MUC4: variants seen among roughly 807,000 people sequenced by gnomAD.
MUC4 encodes the protein mucin-4.
MUC4 carries 202 observed loss-of-function variants against 257.9 expected under a neutral mutation model. The ratio of observed to expected loss-of-function variants is 0.78; its 90% CI spans 0.70 to 0.88. The LOEUF (loss-of-function observed/expected upper bound fraction) is 0.88. Ranked by LOEUF, MUC4 falls within the 40% of genes least tolerant of loss-of-function variation. The pLI is 0.00. For missense variants in MUC4, 5,976 were observed against 6,513.7 expected (o/e 0.92, Z 2.84); for synonymous variants, 2,351 against 2,757.1 (o/e 0.85, Z 4.62).
chr3:195,783,503 C>G lies in MUC4; in HGVS notation c.8077G>C (p.Asp2693His). The change falls in exon 2 of 25, where the codon GAC (aspartate) becomes CAC (histidine). Residue 2693 changes from aspartate to histidine, a missense_variant. Physicochemically the swap from Asp to His is moderately conservative, Grantham distance 81. Coordinates refer to ENST00000463781, the MANE Select transcript of MUC4 (RefSeq NM_018406.7). The stretch of plus-strand genomic sequence containing the variant: ...TCACCTGTGGATGCTGAGGAAGTGT[C>G]GGTGACAGGAAGAGAGGTGGCATGA... ...TGHATSLPVT[D>H]TSSASTGDTT... 2.2e-6 allele frequency: 2 copies of G among 927,800 alleles called. No individual in the cohort carries two copies. The highest frequency in any genetic ancestry group is 2.8e-6 in the Non-Finnish European group (2 of 719,222). The allele number at this position is 927,800 out of a possible 1,614,324, so 57.5% of individuals were successfully genotyped here. A position where few individuals can be genotyped will look rare whatever the true frequency, so the allele number is the denominator to read the frequency against.
Position 195,798,563 on chromosome 3 carries a change from G to T in MUC4, c.83-7066C>A, listed in dbSNP as rs537877592. Among the ~76,000 whole-genome samples the T allele has an allele frequency of 6.1e-3, 924 of 152,058 alleles. 14 individuals are homozygous for T. Among genetic ancestry groups the T allele is most frequent in the African/African-American group, 0.021 (876 of 41,490 alleles). ...CTAAAAATACAAAAAAATTAGCCGGGCGTGGTGGCGGGCGCCTGTAGTCCC... is the reference window on the plus strand; with the variant it reads ...CTAAAAATACAAAAAAATTAGCCGGTCGTGGTGGCGGGCGCCTGTAGTCCC... On this transcript the variant is annotated intron_variant, in intron 1 of 24. Coordinates refer to ENST00000463781, the MANE Select transcript of MUC4 (RefSeq NM_018406.7).
intron 1 of MUC4, among the ~76,000 whole-genome samples, chr3:195,793,848 G>A (rs56065813): frequency 0.28 from 42,567 of 151,930 alleles, 6,414 homozygotes; most frequent in African/African-American, 0.37. Context: ...GTGCCAATCT[G>A]GTAAAAAACC....
chr3:195,752,865 C>T (rs1716751621), intron 20 of MUC4, among the ~76,000 whole-genome samples, 186 bp downstream of exon 20: 2 of 152,236 alleles, frequency 1.3e-5, no homozygotes, highest in South Asian at 4.1e-4. Context: ...GCCCGTGGTC[C>T]TTGCCGTGAC....
At chr3:195,778,549 G>T in intron 2 of MUC4, 94 bp from the exon 3 acceptor site, 1 of 1,501,842 alleles carries the variant, frequency 6.7e-7, no homozygotes, top group South Asian at 1.2e-5. Context: ...GGAAGAGGGA[G>T]CTGGAAACTC....
chr3:195,781,199 C>T lies in MUC4; in HGVS notation c.10381G>A (p.Asp3461Asn), dbSNP rs1205651049. The T allele has an allele frequency of 2.3e-3, 2,562 of 1,127,086 alleles. 68 individuals carry two copies. The African/African-American group carries it at 0.07, about 31-fold the overall frequency. The allele number at this position is 1,127,086 out of a possible 1,614,324, so 69.8% of individuals were successfully genotyped here. A position where few individuals can be genotyped will look rare whatever the true frequency, so the allele number is the denominator to read the frequency against. The change falls in exon 2 of 25, where the codon GAC becomes AAC. Residue 3461 changes from aspartate to asparagine, a missense_variant. Asp to Asn is a conservative substitution (Grantham distance 23, BLOSUM62 1). Around this residue, in one of 44 missense-constraint regions of MUC4, gnomAD observed 297 missense variants for 240.9 expected, o/e 1.23. Transcript: ENST00000463781. Reference sequence around the variant, plus strand: ...TCACCTGTGGATGCTGAGGAAGTGTCGGTGACAGGAAGAGGGGTGGTGTGA... The same window carrying T: ...TCACCTGTGGATGCTGAGGAAGTGTTGGTGACAGGAAGAGGGGTGGTGTGA... ...TGHTTPLPVT[D>N]TSSASTGDTT...
intron 17 of MUC4, 23 bp downstream of exon 17, chr3:195,759,101 C>T (rs958432913): frequency 4.3e-6 from 7 of 1,612,976 alleles, no homozygotes; most frequent in Non-Finnish European, 5.9e-6. Context: ...CCCCACTCTC[C>T]CCAGCCAGCC....
At chr3:195,775,514 C>G (rs1367504432) in intron 3 of MUC4, among the ~76,000 whole-genome samples, 20 of 50,038 alleles carry the variant, frequency 4.0e-4, no homozygotes, top group African/African-American at 1.3e-3. Context: ...ACCTTCCACA[C>G]CCATACCTTC....
In MUC4 at chr3:195,754,251, C is replaced by T; in HGVS notation, c.15290G>A (p.Cys5097Tyr). 1 of 1,613,900 alleles carries T rather than the reference C, an allele frequency of 6.2e-7. No homozygotes were observed. Among genetic ancestry groups the T allele is most frequent in the Non-Finnish European group, 8.5e-7 (1 of 1,179,926 alleles). ...HCVPGKGCEA[C>Y]PPNLTGDGRH... ...CCCATCCCCAGTCAGGTTTGGAGGG[C>T]AGGCCTCGCAGCCCTTCCCAGGAAC... The change falls in exon 19 of 25, where the codon TGC (cysteine) becomes TAC (tyrosine). Residue 5097 changes from cysteine to tyrosine, a missense_variant. Physicochemically the swap from Cys to Tyr is radical, Grantham distance 194. Around this residue, in one of 44 missense-constraint regions of MUC4, gnomAD observed 996 missense variants for 1,137.3 expected, o/e 0.88. Coordinates refer to ENST00000463781, the MANE Select transcript of MUC4 (RefSeq NM_018406.7).
At chr3:195,767,642 TCGCCACCACCAC>T (rs1407330629) in intron 7 of MUC4, among the ~76,000 whole-genome samples, 76 of 31,376 alleles carry the variant, frequency 2.4e-3, no homozygotes, top group African/African-American at 0.011. Flanking sequence ...ACCACCACCA[TCGCCACCACCAC>T]CACCACCACC....
At position 195,783,126 on chromosome 3, in the gene MUC4, A is replaced by T. The variant is rs1204289699; in HGVS notation, c.8454T>A (p.Pro2818=). The T allele has an allele frequency of 9.3e-6, 12 of 1,288,732 alleles. No homozygotes were observed. Among genetic ancestry groups the T allele is most frequent in the Non-Finnish European group, 1.2e-5 (12 of 967,660 alleles). 79.8% of individuals were successfully genotyped at this position (1,288,732 alleles called of 1,614,324 possible). ...TGAACACTGAGGAAGCGTCGGTGAC[A>T]GGAAGAGAGGTGGCGTGACCTGTGG... is the stretch of plus-strand genomic sequence containing the variant. ...SVSTGHATSL[P]VTDASSVFTG... is the part of the protein sequence containing the mutation. The change falls in exon 2 of 25, where the codon CCT becomes CCA. Residue 2818 remains proline, a synonymous_variant. Transcript: ENST00000463781.
chr3:195,770,764 G>A, intron 5 of MUC4: 2 of 435,016 alleles, frequency 4.6e-6, no homozygotes, highest in South Asian at 1.7e-5. Flanking sequence ...CGTGGCAGGG[G>A]CACGGTCCAC....
chr3:195,767,621 T>TCGC (rs1553860756), intron 7 of MUC4, among the ~76,000 whole-genome samples: 11 of 27,218 alleles, frequency 4.0e-4, no homozygotes, highest in Admixed American at 1.7e-3. Flanking sequence ...GCCACCACCA[T>TCGC]CACCACCATC....
rs1024159340 is a variant in MUC4, at chr3:195,760,817, C to T, written c.14848+67G>A. 5 of 1,313,064 alleles carry T rather than the reference C, an allele frequency of 3.8e-6. No homozygotes were observed. The Admixed American group carries it at 8.5e-5, about 22-fold the overall frequency. The allele number at this position is 1,313,064 out of a possible 1,614,324, so 81.3% of individuals were successfully genotyped here. A position where few individuals can be genotyped will look rare whatever the true frequency, so the allele number is the denominator to read the frequency against. ...GCAGATGCACAGGGAAAAGCAGGGTCAGGCAAGGGCAGCTCCTCATCTGCT... is the reference window on the plus strand; with the variant it reads ...GCAGATGCACAGGGAAAAGCAGGGTTAGGCAAGGGCAGCTCCTCATCTGCT... On this transcript the variant is annotated intron_variant, in intron 16 of 24. Transcript: ENST00000463781.
chr3:195,791,719 C>A (rs1733891338), intron 1 of MUC4, among the ~76,000 whole-genome samples: 1 of 152,120 alleles, frequency 6.6e-6, no homozygotes, highest in Non-Finnish European at 1.5e-5. Context: ...AAGTGGGAGG[C>A]TACCTGACTT....
chr3:195,762,405 G>A, intron 13 of MUC4, 151 bp from the exon 14 acceptor site: 1 of 873,134 alleles, frequency 1.1e-6, no homozygotes, highest in African/African-American at 1.7e-5. Context: ...AGGCCGGCGA[G>A]CTGCACGCCC....
At chr3:195,766,863 C>T (rs549984629) in intron 7 of MUC4, 112 bp from the exon 8 acceptor site, 19 of 921,924 alleles carry the variant, frequency 2.1e-5, no homozygotes, top group Admixed American at 4.0e-5. Flanking sequence ...ACCAGCTAGG[C>T]GGGCAGTGGG....
In MUC4 at chr3:195,751,157, G is replaced by C. The variant is rs771199325; in HGVS notation, c.15648-45C>G. Reference sequence around the variant, plus strand: ...TGAGGGGGGGTGGGGGGCTGGGGGTGGGGGATGAGGAAGAGATCTGGGGGC... The same window carrying C: ...TGAGGGGGGGTGGGGGGCTGGGGGTCGGGGATGAGGAAGAGATCTGGGGGC... On this transcript the variant is annotated intron_variant, in intron 22 of 24. Coordinates refer to ENST00000463781, the MANE Select transcript of MUC4 (RefSeq NM_018406.7). 3 of 1,519,954 alleles carry C rather than the reference G, an allele frequency of 2.0e-6. No individual in the cohort carries two copies. In the South Asian group the frequency reaches 3.6e-5, roughly 18 times the overall value. The allele number at this position is 1,519,954 out of a possible 1,614,324, so 94.2% of individuals were successfully genotyped here.
rs1433304692 is a variant in MUC4 at position 195,788,851 on chromosome 3, G to C, written c.2729C>G (p.Thr910Ser). Residue 910 changes from threonine (T) to serine (S), a missense_variant, in exon 2 of 25, where the codon ACT (threonine) becomes AGT (serine). Thr to Ser is a moderately conservative substitution (Grantham distance 58, BLOSUM62 1). This residue lies in a region of MUC4 where 1,583 missense variants were observed against 1,257.4 expected (regional missense o/e 1.26). Coordinates refer to ENST00000463781, the MANE Select transcript of MUC4 (RefSeq NM_018406.7). ...ETAAISRMAQ[T>S]QRTRTSRGSD... ...CCCTCTGCTGGTTCTTGTCCTCTGA[G>C]TCTGGGCCATCCGGGAAATGGCGGC... The C allele has an allele frequency of 1.2e-6, 2 of 1,613,814 alleles. No individual in the cohort carries two copies. The highest frequency in any genetic ancestry group is 1.7e-6 in the Non-Finnish European group (2 of 1,179,868).
At chr3:195,768,039 C>A (rs1308248775) in intron 7 of MUC4, among the ~76,000 whole-genome samples, 1 of 152,042 alleles carries the variant, frequency 6.6e-6, no homozygotes, top group Non-Finnish European at 1.5e-5. Flanking sequence ...GAGCAGCCGC[C>A]TGCAGCCCCA....
Sources: gnomAD v4.1 joint callset for allele counts (sites outside exome capture counted in the v4.1 genomes callset) on GRCh38, gnomAD v4.1.1 for gene constraint, gnomAD v4.1.1 regional missense constraint, MANE v1.5 for transcripts, NCBI Gene and HGNC (gene_info 2026-07-23, HGNC 2026-07-21) for gene names.